Variants in SGCZ observed in about 807,000 individuals in gnomAD.
The protein encoded by SGCZ is zeta-sarcoglycan.
Under a neutral mutation model 41.3 loss-of-function variants are expected in SGCZ, and 40 were observed. That is an observed-to-expected ratio of 0.97 (90% CI 0.75 to 1.26). The LOEUF (loss-of-function observed/expected upper bound fraction) is 1.26, where lower values mean the gene tolerates loss of function less well. SGCZ is among the 50% of genes most tolerant of loss of function. The pLI is 0.00. For missense variants in SGCZ, 552 were observed against 369.8 expected, an observed-to-expected ratio of 1.49 and a Z score of -4.04; for synonymous variants, 206 against 137.5, an observed-to-expected ratio of 1.50 and a Z score of -3.49.
At chr8:14,382,136 T>C (rs540248872) in intron 2 of SGCZ, among the ~76,000 whole-genome samples, 1 of 143,462 alleles carries the variant, frequency 7.0e-6, no homozygotes, top group Non-Finnish European at 1.5e-5. Context: ...CACAGGGATG[T>C]ACTGTTTGTG....
At chr8:14,386,475 G>A (rs1445319015) in intron 2 of SGCZ, among the ~76,000 whole-genome samples, 1 of 152,126 alleles carries the variant, frequency 6.6e-6, no homozygotes, top group Non-Finnish European at 1.5e-5. Flanking sequence ...ATCTGATACT[G>A]AACACACATA....
chr8:14,682,359 T>C (rs749444618), intron 1 of SGCZ, among the ~76,000 whole-genome samples: 11 of 152,098 alleles, frequency 7.2e-5, no homozygotes, highest in Non-Finnish European at 1.3e-4. Context: ...AATACATATG[T>C]ACAGATTATG....
rs142891535 is a variant in SGCZ at position 15,020,062 on chromosome 8, A to C, written c.39+217523T>G. On this transcript the variant is annotated intron_variant, in intron 1 of 7. Coordinates refer to ENST00000382080, the MANE Select transcript of SGCZ (RefSeq NM_139167.4). ...CGCACGAACCAAAATGGATTATAGC[A>C]TCCTCCATCAATATCACTGTACTTT... 3.6e-3 allele frequency among the ~76,000 whole-genome samples: 546 copies of C among 152,060 alleles called. 15 individuals carry two copies. The South Asian group carries it at 0.05, about 14-fold the overall frequency.
chr8:14,161,432 A>C (rs1350143402), intron 5 of SGCZ: 3 of 152,130 alleles, frequency 2.0e-5, no homozygotes, highest in African/African-American at 7.2e-5. Flanking sequence ...GTAAGTGGTA[A>C]ATGGGCTCTT....
At chr8:14,827,170 A>G (rs1340555385) in intron 1 of SGCZ, among the ~76,000 whole-genome samples, 1 of 151,652 alleles carries the variant, frequency 6.6e-6, no homozygotes, top group Non-Finnish European at 1.5e-5. Flanking sequence ...AGTTTCAAAA[A>G]AAAAACAGAC....
chr8:14,408,332 T>G (rs1799266490), intron 2 of SGCZ, among the ~76,000 whole-genome samples: 2 of 152,118 alleles, frequency 1.3e-5, no homozygotes, highest in Middle Eastern at 3.2e-3. Flanking sequence ...AACAGCCATC[T>G]CCAGATATGT....
intron 2 of SGCZ, among the ~76,000 whole-genome samples, chr8:14,456,393 A>G (rs1205654396): frequency 6.6e-6 from 1 of 152,212 alleles, no homozygotes; most frequent in African/African-American, 2.4e-5. Context: ...GCGCAAGAAG[A>G]GTGAAACTCC....
At chr8:14,473,383 A>C (rs937250870) in intron 2 of SGCZ, among the ~76,000 whole-genome samples, 1 of 152,144 alleles carries the variant, frequency 6.6e-6, no homozygotes, top group African/African-American at 2.4e-5. Flanking sequence ...TTTTGTTATC[A>C]CATTATACAT....
chr8:14,960,959 ACACACT>A (rs372792373), intron 1 of SGCZ, among the ~76,000 whole-genome samples: 5,483 of 135,982 alleles, frequency 0.04, 153 homozygotes, highest in South Asian at 0.11. Flanking sequence ...ACACACACAC[ACACACT>A]CACTCAAGCA....
chr8:14,346,531 T>G (rs1174037030), intron 2 of SGCZ, among the ~76,000 whole-genome samples: 1 of 152,018 alleles, frequency 6.6e-6, no homozygotes, highest in Non-Finnish European at 1.5e-5. Context: ...AGCCATAGAG[T>G]TACATAGTGC....
chr8:15,128,686 A>T (rs1220421258), intron 1 of SGCZ, among the ~76,000 whole-genome samples: 1 of 152,220 alleles, frequency 6.6e-6, no homozygotes, highest in Non-Finnish European at 1.5e-5. Context: ...TACTGCAAAG[A>T]AACACATGTC....
intron 4 of SGCZ, among the ~76,000 whole-genome samples, chr8:14,208,119 T>G (rs1280820660): frequency 6.6e-6 from 1 of 152,206 alleles, no homozygotes; most frequent in Admixed American, 6.5e-5. Context: ...CTAACCATGT[T>G]TAGCTTAACA....
intron 3 of SGCZ, among the ~76,000 whole-genome samples, chr8:14,238,765 G>A (rs1207078605): frequency 6.6e-6 from 1 of 151,968 alleles, no homozygotes; most frequent in Non-Finnish European, 1.5e-5. Context: ...ACATTTCGGT[G>A]ATCAAAAAAT....
chr8:14,789,287 A>G, intron 1 of SGCZ, among the ~76,000 whole-genome samples: 1 of 152,208 alleles, frequency 6.6e-6, no homozygotes, highest in East Asian at 1.9e-4. Flanking sequence ...AACTGAAACA[A>G]GGTAGAATGT....
intron 1 of SGCZ, among the ~76,000 whole-genome samples, chr8:15,030,259 T>A (rs146219131): frequency 1.3e-5 from 2 of 152,140 alleles, no homozygotes; most frequent in South Asian, 4.1e-4. Flanking sequence ...AATGCCAAGA[T>A]CTTATTCATC....
intron 3 of SGCZ, among the ~76,000 whole-genome samples, chr8:14,311,977 T>A (rs6530761): frequency 0.35 from 53,145 of 151,996 alleles, 9,893 homozygotes; most frequent in Non-Finnish European, 0.43. Context: ...ATAATGCAGA[T>A]TCCATTACAT....
chr8:15,144,928 C>T (rs910230338), intron 1 of SGCZ, among the ~76,000 whole-genome samples: 3 of 152,154 alleles, frequency 2.0e-5, no homozygotes, highest in African/African-American at 7.2e-5. Flanking sequence ...TGCTTTTATT[C>T]TCTTCAGTCA....
At chr8:14,356,278 C>G (rs532958952) in intron 2 of SGCZ, among the ~76,000 whole-genome samples, 16 of 152,278 alleles carry the variant, frequency 1.1e-4, no homozygotes, top group African/African-American at 3.1e-4. Context: ...TTTATTGGAA[C>G]AAAACCCCGT....
chr8:14,412,544 A>G (rs1446261459), intron 2 of SGCZ, among the ~76,000 whole-genome samples: 2 of 152,090 alleles, frequency 1.3e-5, no homozygotes, highest in African/African-American at 4.8e-5. Flanking sequence ...TAAATAATTC[A>G]TCTAGTCATC....
Sources: allele counts gnomAD v4.1 joint callset (sites outside exome capture counted in the v4.1 genomes callset), GRCh38; gene constraint gnomAD v4.1.1; transcripts MANE v1.5; gene names NCBI Gene and HGNC (gene_info 2026-07-23, HGNC 2026-07-21).